Variants in DCDC2C observed in about 807,000 individuals in gnomAD.
The protein encoded by DCDC2C is doublecortin domain containing 2C, also known as doublecortin domain-containing protein 2C.
Under a neutral mutation model 45.0 loss-of-function variants are expected in DCDC2C, and 44 were observed. That is an observed-to-expected ratio of 0.98 (90% CI 0.77 to 1.26). The LOEUF is 1.26. Ranked by LOEUF, DCDC2C falls within the 50% of genes most tolerant of loss-of-function variation. The pLI, the probability that DCDC2C is intolerant of heterozygous loss-of-function variation, is 0.00. For missense variants in DCDC2C, 447 were observed against 468.9 expected, an observed-to-expected ratio of 0.95 and a Z score of 0.43; for synonymous variants, 187 against 178.8, an observed-to-expected ratio of 1.05 and a Z score of -0.37.
intron 10 of DCDC2C, among the ~76,000 whole-genome samples, chr2:3,795,923 A>G (rs1369025834): frequency 7.0e-5 from 8 of 113,606 alleles, no homozygotes; most frequent in Non-Finnish European, 1.1e-4. Context: ...TGGTAGCTTG[A>G]TGGGGATGGC....
At chr2:3,705,999 CG>C in intron 1 of DCDC2C, among the ~76,000 whole-genome samples, 1 of 152,044 alleles carries the variant, frequency 6.6e-6, no homozygotes, top group East Asian at 1.9e-4. Flanking sequence ...ATAGAGAGCA[CG>C]TGGGGTTCCT....
At chr2:3,741,570 C>T (rs1558572800) in intron 3 of DCDC2C, among the ~76,000 whole-genome samples, 1 of 152,150 alleles carries the variant, frequency 6.6e-6, no homozygotes. Context: ...CCATCTCATG[C>T]TCTGTGAGGG....
chr2:3,796,919 G>T (rs1226464223), intron 10 of DCDC2C, among the ~76,000 whole-genome samples: 1 of 152,112 alleles, frequency 6.6e-6, no homozygotes, highest in Non-Finnish European at 1.5e-5. Context: ...TTTTTCTATT[G>T]ATTGAAATAG....
At chr2:3,746,967 A>G (rs1487318498) in intron 4 of DCDC2C, among the ~76,000 whole-genome samples, 2 of 151,770 alleles carry the variant, frequency 1.3e-5, no homozygotes, top group Non-Finnish European at 2.9e-5. Flanking sequence ...GGGAGCGAGG[A>G]GGTGTGAGAG....
chr2:3,844,021 G>C (rs1296845491), intron 10 of DCDC2C, among the ~76,000 whole-genome samples: 1 of 152,032 alleles, frequency 6.6e-6, no homozygotes, highest in African/African-American at 2.4e-5. Context: ...GACTTAGGTG[G>C]CTACTAGATT....
intron 6 of DCDC2C, among the ~76,000 whole-genome samples, chr2:3,758,603 T>G (rs1452945005): frequency 6.6e-6 from 1 of 152,180 alleles, no homozygotes; most frequent in Non-Finnish European, 1.5e-5. Flanking sequence ...CACACAAAGT[T>G]GCAGCTGCCA....
chr2:3,840,820 C>T (rs952649492), intron 10 of DCDC2C, among the ~76,000 whole-genome samples: 8 of 152,266 alleles, frequency 5.3e-5, no homozygotes, highest in East Asian at 1.9e-4. Context: ...GGCCGCTCTG[C>T]GAGTTTCGCA....
intron 4 of DCDC2C, among the ~76,000 whole-genome samples, chr2:3,747,848 A>G (rs145032498): frequency 9.8e-5 from 15 of 152,352 alleles, no homozygotes; most frequent in African/African-American, 3.1e-4. Flanking sequence ...CAGACCCCTG[A>G]TAAATGCCAT....
chr2:3,814,975 G>A (rs1671517057), intron 10 of DCDC2C, among the ~76,000 whole-genome samples: 1 of 152,260 alleles, frequency 6.6e-6, no homozygotes, highest in Admixed American at 6.5e-5. Flanking sequence ...TTAGGCAGTG[G>A]CGAGTCCCAG....
chr2:3,780,654 GC>G (rs1322616754), intron 9 of DCDC2C, among the ~76,000 whole-genome samples: 1 of 152,184 alleles, frequency 6.6e-6, no homozygotes, highest in East Asian at 1.9e-4. Flanking sequence ...GGGCTGGGGA[GC>G]AAACGAAGGC....
intron 2 of DCDC2C, among the ~76,000 whole-genome samples, chr2:3,724,180 G>T (rs1668572565): frequency 6.6e-6 from 1 of 152,178 alleles, no homozygotes; most frequent in South Asian, 2.1e-4. Flanking sequence ...TGCTTCTCCA[G>T]ACCACATGGA....
intron 10 of DCDC2C, among the ~76,000 whole-genome samples, chr2:3,804,059 G>A (rs1203589546): frequency 6.6e-6 from 1 of 152,188 alleles, no homozygotes; most frequent in Non-Finnish European, 1.5e-5. Context: ...ATAATTGGAG[G>A]TATGTGTTTA....
chr2:3,738,539 GGAAAAAAAA>G (rs1669095551), intron 3 of DCDC2C, among the ~76,000 whole-genome samples: 3 of 55,256 alleles, frequency 5.4e-5, no homozygotes, highest in South Asian at 8.2e-4. Flanking sequence ...GGTCTATCTG[GGAAAAAAAA>G]AAAAAAAAAA....
In DCDC2C at chr2:3,734,045, C is replaced by T. The variant is rs1668950731; in HGVS notation, c.416+6966C>T. Among the ~76,000 whole-genome samples the T allele has an allele frequency of 6.6e-6, 1 of 152,194 alleles. No individual in the cohort carries two copies. Among genetic ancestry groups the T allele is most frequent in the Non-Finnish European group, 1.5e-5 (1 of 68,036 alleles). ...CCTCAGTTTTAATAAGAGCAGTTTG[C>T]TGGGGTAGTAACAGTGCCTCCAGAA... On this transcript the variant is annotated intron_variant, in intron 3 of 10. Coordinates refer to ENST00000399143, the MANE Select transcript of DCDC2C (RefSeq NM_001287444.2). This position sits in a 1 kb window ranked among gnomAD's most constrained non-coding sequence, Gnocchi z 4.2.
At position 3,734,519 on chromosome 2, in the gene DCDC2C, A is replaced by AG. The variant is rs59701931; in HGVS notation, c.417-7396dup. Among the ~76,000 whole-genome samples, 376 of 152,284 alleles carry AG rather than the reference A, an allele frequency of 2.5e-3. No individual in the cohort carries two copies. Among genetic ancestry groups the AG allele is most frequent in the African/African-American group, 8.4e-3 (348 of 41,548 alleles). ...TTTGATGGTGTAGTATGGTTATGTG[A>AG]GGGGGAAAGCAGTAGATTTCGTAAG... On this transcript the variant is annotated intron_variant, in intron 3 of 10. Transcript: ENST00000399143. This position sits in a 1 kb window ranked among gnomAD's most constrained non-coding sequence, Gnocchi z 4.2.
intron 10 of DCDC2C, among the ~76,000 whole-genome samples, chr2:3,800,522 T>C (rs1401007591): frequency 6.6e-6 from 1 of 152,216 alleles, no homozygotes; most frequent in East Asian, 1.9e-4. Flanking sequence ...TTAGCAACTA[T>C]AGTTTGTAGG....
rs747432149 is a variant in DCDC2C, at chr2:3,754,528, C to T, written c.684-64C>T. 12 of 1,509,162 alleles carry T rather than the reference C, an allele frequency of 8.0e-6. No individual in the cohort carries two copies. The South Asian group carries it at 1.4e-4, about 17-fold the overall frequency. 93.5% of individuals were successfully genotyped at this position (1,509,162 alleles called of 1,614,324 possible). On this transcript the variant is annotated intron_variant, in intron 5 of 10. Coordinates refer to ENST00000399143, the MANE Select transcript of DCDC2C (RefSeq NM_001287444.2). ...CTCCTAAAGACAAGGCTGCAGTCTG[C>T]ATTTTATAGAGATAACTTAGGGCCG...
At chr2:3,737,521 C>G (rs1006583823) in intron 3 of DCDC2C, among the ~76,000 whole-genome samples, 12 of 152,312 alleles carry the variant, frequency 7.9e-5, no homozygotes, top group African/African-American at 2.9e-4. Context: ...CAGCACATTT[C>G]TGATGCCTTC....
chr2:3,729,560 T>C (rs1371082647), intron 3 of DCDC2C, among the ~76,000 whole-genome samples: 1 of 152,084 alleles, frequency 6.6e-6, no homozygotes, highest in Non-Finnish European at 1.5e-5. Context: ...AGTTGGTCAG[T>C]GAAGGTGGCC....
Sources: allele counts gnomAD v4.1 joint callset (sites outside exome capture counted in the v4.1 genomes callset), GRCh38; gene constraint gnomAD v4.1.1; non-coding constraint Gnocchi (gnomAD v3.1); transcripts MANE v1.5; gene names NCBI Gene and HGNC (gene_info 2026-07-23, HGNC 2026-07-21).